Variants in DDR2 observed in about 807,000 individuals in gnomAD.
The protein encoded by DDR2 is discoidin domain receptor tyrosine kinase 2.
In DDR2, 27 loss-of-function variants were observed where a neutral mutation model predicts 94.9. That is an observed-to-expected ratio of 0.28 (90% CI 0.21 to 0.39). The LOEUF (loss-of-function observed/expected upper bound fraction) is 0.39, where lower values mean the gene tolerates loss of function less well. Ranked by LOEUF, DDR2 falls within the 10% of genes least tolerant of loss-of-function variation. The pLI, the probability that DDR2 is intolerant of heterozygous loss-of-function variation, is 1.00. For synonymous variants in DDR2, 382 were observed against 377.2 expected, an observed-to-expected ratio of 1.01 and a Z score of -0.15; for missense variants, 783 against 1,076.0, an observed-to-expected ratio of 0.73 and a Z score of 3.81.
intron 2 of DDR2, among the ~76,000 whole-genome samples, chr1:162,698,310 C>T (rs779825951): frequency 3.7e-4 from 57 of 152,124 alleles, no homozygotes; most frequent in Non-Finnish European, 2.6e-4. Context: ...TTACCAGAGT[C>T]GGTTAGCCTC....
chr1:162,658,440 G>T (rs1010986253), intron 2 of DDR2, among the ~76,000 whole-genome samples: 1 of 152,156 alleles, frequency 6.6e-6, no homozygotes, highest in African/African-American at 2.4e-5. Context: ...TTTTAGAAAG[G>T]CAAGCTCAGG....
intron 3 of DDR2, among the ~76,000 whole-genome samples, chr1:162,730,042 T>C (rs1408705006): frequency 4.8e-5 from 7 of 146,018 alleles, no homozygotes; most frequent in Admixed American, 1.4e-4. Context: ...ATGCCTGGCT[T>C]TTTTTTTTTT....
chr1:162,659,582 C>A (rs1658188411), intron 2 of DDR2, among the ~76,000 whole-genome samples: 1 of 152,098 alleles, frequency 6.6e-6, no homozygotes, highest in Non-Finnish European at 1.5e-5. Context: ...GTTGGCTGGG[C>A]TAAGACATCT....
chr1:162,647,532 C>A (rs879656109), intron 1 of DDR2, among the ~76,000 whole-genome samples: 1 of 152,178 alleles, frequency 6.6e-6, no homozygotes, highest in African/African-American at 2.4e-5. Flanking sequence ...ATAGGCAGAG[C>A]AGTGGCATGA....
chr1:162,642,158 T>C (rs1358047845), intron 1 of DDR2, among the ~76,000 whole-genome samples: 1 of 152,030 alleles, frequency 6.6e-6, no homozygotes, highest in Non-Finnish European at 1.5e-5. Context: ...GGTTTCACCA[T>C]GTTGGCCAGG....
chr1:162,696,911 T>A (rs4376714), intron 2 of DDR2, among the ~76,000 whole-genome samples: 7,029 of 152,204 alleles, frequency 0.046, 200 homozygotes, highest in South Asian at 0.084. Context: ...TTGTTGGGCC[T>A]GGGTTCCTGT....
intron 3 of DDR2, among the ~76,000 whole-genome samples, chr1:162,744,467 C>T (rs565928696): frequency 2.0e-5 from 3 of 152,092 alleles, no homozygotes; most frequent in African/African-American, 7.2e-5. Flanking sequence ...ACCATTTAGT[C>T]AAAAATGTTA....
At chr1:162,709,973 C>T (rs776180405) in intron 2 of DDR2, among the ~76,000 whole-genome samples, 7 of 152,240 alleles carry the variant, frequency 4.6e-5, no homozygotes, top group Non-Finnish European at 7.4e-5. Flanking sequence ...CAAATGAAGA[C>T]GTTAGATTTG....
chr1:162,774,178 C>A (rs1323604533), intron 14 of DDR2, among the ~76,000 whole-genome samples: 2 of 152,178 alleles, frequency 1.3e-5, no homozygotes. Flanking sequence ...TCTCTTGGAT[C>A]TTTTTCTACA....
intron 2 of DDR2, among the ~76,000 whole-genome samples, chr1:162,687,811 C>A (rs188325730): frequency 5.3e-5 from 8 of 152,230 alleles, no homozygotes; most frequent in Non-Finnish European, 7.4e-5. Flanking sequence ...CATACCTGGT[C>A]CTGCAACAAA....
chr1:162,672,843 G>A (rs1181042138), intron 2 of DDR2, among the ~76,000 whole-genome samples: 2 of 152,020 alleles, frequency 1.3e-5, no homozygotes, highest in Non-Finnish European at 2.9e-5. Flanking sequence ...GTTACCAGTG[G>A]GCATGTTCTC....
intron 3 of DDR2, among the ~76,000 whole-genome samples, chr1:162,726,813 TA>T (rs1558048773): frequency 1.3e-5 from 2 of 152,014 alleles, no homozygotes; most frequent in Non-Finnish European, 2.9e-5. Context: ...GGACCCTGCT[TA>T]CCATGGAAAC....
intron 3 of DDR2, among the ~76,000 whole-genome samples, chr1:162,731,884 A>G (rs1030064149): frequency 1.3e-5 from 2 of 152,176 alleles, no homozygotes; most frequent in East Asian, 3.9e-4. Context: ...TAAACTTTCC[A>G]TGATTCCAAA....
At chr1:162,639,109 A>T (rs1027713190) in intron 1 of DDR2, among the ~76,000 whole-genome samples, 1 of 152,084 alleles carries the variant, frequency 6.6e-6, no homozygotes, top group African/African-American at 2.4e-5. Flanking sequence ...GGGATTACAG[A>T]CATGCACCAC....
chr1:162,777,856 C>T (rs192328307), intron 16 of DDR2: 176 of 153,576 alleles, frequency 1.1e-3, no homozygotes, highest in Non-Finnish European at 1.9e-3. Context: ...AATATGGTCA[C>T]CCCTAGGAGC....
At position 162,755,788 on chromosome 1, in the gene DDR2, T is replaced by A. The variant is rs765780549; in HGVS notation, c.671+19T>A. On this transcript the variant is annotated intron_variant, in intron 7 of 17. Transcript: ENST00000367921. The stretch of plus-strand genomic sequence containing the variant: ...GATACAGGTAAATCCTGGGAAACTT[T>A]ATTAGAATGGGAAATTGGCCACTAA... 6.2e-7 allele frequency: 1 copy of A among 1,602,224 alleles called. No homozygotes were observed. Among genetic ancestry groups the A allele is most frequent in the Admixed American group, 1.7e-5 (1 of 60,018 alleles).
At chr1:162,667,050 C>T (rs2101930192) in intron 2 of DDR2, among the ~76,000 whole-genome samples, 1 of 151,744 alleles carries the variant, frequency 6.6e-6, no homozygotes, top group South Asian at 2.1e-4. Flanking sequence ...GTCTATCTAT[C>T]TATCTATCTA....
chr1:162,750,806 C>T (rs2102119955), intron 3 of DDR2, among the ~76,000 whole-genome samples: 1 of 152,180 alleles, frequency 6.6e-6, no homozygotes, highest in South Asian at 2.1e-4. Flanking sequence ...AGATATAGAC[C>T]AATGGAACAG....
intron 3 of DDR2, among the ~76,000 whole-genome samples, chr1:162,737,098 C>CT (rs926901048): frequency 1.0e-4 from 15 of 146,922 alleles, no homozygotes; most frequent in Non-Finnish European, 1.5e-4. Flanking sequence ...TTCTTTCTTT[C>CT]TTTTTTTTCG....
Sources: allele counts gnomAD v4.1 joint callset (sites outside exome capture counted in the v4.1 genomes callset), GRCh38; gene constraint gnomAD v4.1.1; transcripts MANE v1.5; gene names NCBI Gene and HGNC (gene_info 2026-07-23, HGNC 2026-07-21).